Variants in UPF3B observed in about 807,000 individuals in gnomAD.
UPF3B encodes the protein UPF3B regulator of nonsense mediated mRNA decay, also known as regulator of nonsense transcripts 3B.
Under a neutral mutation model 40.3 loss-of-function variants are expected in UPF3B, and 7 were observed. The ratio of observed to expected loss-of-function variants is 0.17; its 90% CI spans 0.10 to 0.33. The LOEUF is 0.33. Among genes scored for constraint, UPF3B ranks in the 10% least tolerant of loss-of-function variants. The pLI, the probability that UPF3B is intolerant of heterozygous loss-of-function variation, is 1.00. For synonymous variants in UPF3B, 117 were observed against 117.3 expected (o/e 1.00, Z 0.01); for missense variants, 229 against 358.9 (o/e 0.64, Z 2.93).
At chrX:119,813,033 A>T (rs759088645) in intron 5 of UPF3B, among the ~76,000 whole-genome samples, 1 of 111,247 alleles carries the variant, frequency 9.0e-6, no homozygotes, top group African/African-American at 3.3e-5. Context: ...TTCAGTCATT[A>T]TTGGTGGCTC....
chrX:119,843,801 T>A (rs1213625030), intron 4 of UPF3B, among the ~76,000 whole-genome samples: 1 of 112,204 alleles, frequency 8.9e-6, no homozygotes, highest in Admixed American at 9.5e-5. Context: ...ATAAAACCAG[T>A]ATCACAGCTA....
chrX:119,806,471 CTT>C (rs1435158282), intron 6 of UPF3B, among the ~76,000 whole-genome samples: 1 of 109,245 alleles, frequency 9.2e-6, no homozygotes, highest in Non-Finnish European at 1.9e-5. Context: ...TACCCTAAAA[CTT>C]AAAGTATAAT....
At chrX:119,842,475 C>T (rs960578091) in intron 5 of UPF3B, among the ~76,000 whole-genome samples, 3 of 109,000 alleles carry the variant, frequency 2.8e-5, no homozygotes, top group African/African-American at 6.7e-5. Flanking sequence ...TCCAGCTACT[C>T]GGGAGACTGC....
At chrX:119,829,748 TAA>T (rs779051209), downstream of UPF3B, among the ~76,000 whole-genome samples, 21 of 111,825 alleles carry the variant, frequency 1.9e-4, no homozygotes, top group Non-Finnish European at 3.6e-4. Flanking sequence ...TCTCTCTCCC[TAA>T]AGTGACAGAA....
At chrX:119,845,340 G>A in intron 3 of UPF3B, 44 bp from the exon 4 acceptor site, 1 of 1,048,910 alleles carries the variant, frequency 9.5e-7, no homozygotes, top group Non-Finnish European at 1.3e-6. Flanking sequence ...CAAAGAAAAT[G>A]TCAAAAGTGG....
chrX:119,818,914 T>C lies in UPF3B; in HGVS notation c.495-3607A>G, dbSNP rs182881370. ...TGAAGACAAAGCAATATCAAAGCAA[T>C]GACTCTGAAGAGGTGGAAGAGATCC... On this transcript the variant is annotated intron_variant, in intron 4 of 6. Coordinates refer to the UPF3B transcript ENST00000636792. Among the ~76,000 whole-genome samples the C allele has an allele frequency of 7.0e-3, 774 of 110,806 alleles. 1 individual carries two copies. Among genetic ancestry groups the C allele is most frequent in the Non-Finnish European group, 9.5e-3 (502 of 52,938 alleles).
chrX:119,816,781 C>T (rs374472260), intron 4 of UPF3B, among the ~76,000 whole-genome samples: 13 of 111,291 alleles, frequency 1.2e-4, no homozygotes, highest in Non-Finnish European at 2.1e-4. Context: ...GTAGAGCTTA[C>T]CTTTTGGCTT....
chrX:119,823,955 G>A (rs1287438696), intron 3 of UPF3B, among the ~76,000 whole-genome samples: 1 of 111,541 alleles, frequency 9.0e-6, no homozygotes, highest in Non-Finnish European at 1.9e-5. Flanking sequence ...ATGGTGCCTG[G>A]CCTATAGTTA....
intron 3 of UPF3B, among the ~76,000 whole-genome samples, chrX:119,826,743 A>G (rs894001781): frequency 5.3e-5 from 6 of 112,262 alleles, no homozygotes; most frequent in African/African-American, 9.7e-5. Context: ...GCTCCAACCA[A>G]TAGATCATGA....
At chrX:119,838,689 T>C (rs1308644277) in intron 8 of UPF3B, among the ~76,000 whole-genome samples, 162 bp from the exon 9 acceptor site, 3 of 111,903 alleles carry the variant, frequency 2.7e-5, no homozygotes, top group African/African-American at 9.7e-5. Flanking sequence ...AGAGTAGTAA[T>C]TTACTAAAAG....
chrX:119,832,345 G>C (rs1277830031), downstream of UPF3B, among the ~76,000 whole-genome samples: 1 of 111,852 alleles, frequency 8.9e-6, no homozygotes, highest in Non-Finnish European at 1.9e-5. Context: ...TGCAATCTCT[G>C]CCTCCCAGGT....
chrX:119,834,783 C>T lies in UPF3B; in HGVS notation c.*95G>A. The T allele has an allele frequency of 8.3e-7, 1 of 1,207,949 alleles. No homozygotes were observed. The highest frequency in any genetic ancestry group is 1.1e-6 in the Non-Finnish European group (1 of 895,249). ...CCCCACCAGCACAGCGGCTCCCTTT[C>T]TCTCTATTCTTTGCCCTGAAGGCAC... On this transcript the variant is annotated 3_prime_UTR_variant, in exon 11 of 11. Transcript: ENST00000276201.
intron 4 of UPF3B, among the ~76,000 whole-genome samples, chrX:119,819,820 A>G (rs1282903589): frequency 9.4e-6 from 1 of 106,279 alleles, no homozygotes; most frequent in Non-Finnish European, 1.9e-5. Flanking sequence ...TATTTTCCAC[A>G]AACTTTTCTT....
Position 119,836,572 on chromosome X carries a change from G to A in UPF3B, c.1302+1185C>T, listed in dbSNP as rs940792477. Among the ~76,000 whole-genome samples the A allele has an allele frequency of 8.1e-4, 89 of 109,782 alleles. 1 individual carries two copies. Among genetic ancestry groups the A allele is most frequent in the African/African-American group, 2.8e-3 (84 of 30,206 alleles). ...TTTGAAAATAATCTAGTAGGGGTAG[G>A]GATGAAGTAGAATAGAAAGAAGGTT... On this transcript the variant is annotated intron_variant, in intron 10 of 10. Coordinates refer to ENST00000276201, the MANE Select transcript of UPF3B (RefSeq NM_080632.3).
At chrX:119,809,159 A>T (rs1456975802) in intron 5 of UPF3B, among the ~76,000 whole-genome samples, 1 of 111,239 alleles carries the variant, frequency 9.0e-6, no homozygotes, top group East Asian at 2.8e-4. Context: ...AGCAGGCGAG[A>T]GGTGAATTGC....
chrX:119,828,170 C>T (rs1427045226), intron 3 of UPF3B, among the ~76,000 whole-genome samples: 1 of 111,211 alleles, frequency 9.0e-6, no homozygotes, highest in Non-Finnish European at 1.9e-5. Flanking sequence ...TCTCCTGACT[C>T]AGCCTTCCAT....
intron 3 of UPF3B, among the ~76,000 whole-genome samples, chrX:119,850,028 A>G (rs1461226491): frequency 1.9e-5 from 2 of 104,184 alleles, no homozygotes; most frequent in African/African-American, 7.4e-5. Flanking sequence ...GGTGGCTCGC[A>G]CCTGTAATCC....
intron 5 of UPF3B, 30 bp from the exon 6 acceptor site, chrX:119,841,808 T>C (rs2056163901): frequency 1.7e-6 from 2 of 1,161,318 alleles, no homozygotes; most frequent in South Asian, 1.8e-5. Context: ...TTATTAATCA[T>C]ACTTATCAAC....
downstream of UPF3B, among the ~76,000 whole-genome samples, chrX:119,833,695 G>A (rs1361794579): frequency 8.9e-6 from 1 of 111,990 alleles, no homozygotes; most frequent in Admixed American, 9.6e-5. Flanking sequence ...TAGTAGAGAT[G>A]GGGTTTCACC....
Sources: gnomAD v4.1 joint callset for allele counts (sites outside exome capture counted in the v4.1 genomes callset) on GRCh38, gnomAD v4.1.1 for gene constraint, MANE v1.5 for transcripts, NCBI Gene and HGNC (gene_info 2026-07-23, HGNC 2026-07-21) for gene names.